Variants in KIAA1328 observed in about 807,000 individuals in gnomAD.
KIAA1328 encodes protein hinderin.
A neutral mutation model predicts 68.1 loss-of-function variants in KIAA1328; 52 were observed. The observed-to-expected ratio is 0.76, with a 90% CI of 0.61 to 0.96. The LOEUF (loss-of-function observed/expected upper bound fraction) is 0.96. KIAA1328 is among the 40% of genes least tolerant of loss of function. The probability of loss-of-function intolerance (pLI) is 0.00; values close to 1 mark genes in which losing one functional copy is unlikely to be tolerated. For missense variants in KIAA1328, 641 were observed against 677.6 expected, an observed-to-expected ratio of 0.95 and a Z score of 0.60; for synonymous variants, 232 against 239.4, an observed-to-expected ratio of 0.97 and a Z score of 0.28.
intron 6 of KIAA1328, among the ~76,000 whole-genome samples, chr18:36,990,047 C>G (rs1192506579): frequency 6.6e-6 from 1 of 152,078 alleles, no homozygotes; most frequent in African/African-American, 2.4e-5. Context: ...CTAAATACAT[C>G]CTGGTCTTCG....
downstream of KIAA1328, among the ~76,000 whole-genome samples, chr18:37,229,163 T>A (rs1378406266): frequency 1.3e-5 from 2 of 152,012 alleles, no homozygotes; most frequent in African/African-American, 4.8e-5. Context: ...CCAGACCGTG[T>A]GGGAGGAGGA....
chr18:37,221,682 A>G (rs2060566158), intron 9 of KIAA1328, among the ~76,000 whole-genome samples: 1 of 152,240 alleles, frequency 6.6e-6, no homozygotes, highest in Non-Finnish European at 1.5e-5. Context: ...TTGTAGTGTT[A>G]GGAACAGTGC....
At chr18:36,894,752 T>C (rs2048815843) in intron 5 of KIAA1328, among the ~76,000 whole-genome samples, 1 of 152,146 alleles carries the variant, frequency 6.6e-6, no homozygotes, top group African/African-American at 2.4e-5. Flanking sequence ...CCCGAACTTC[T>C]GGGCTCAAGC....
At chr18:37,148,748 T>C (rs1281604226) in intron 7 of KIAA1328, among the ~76,000 whole-genome samples, 2 of 152,226 alleles carry the variant, frequency 1.3e-5, no homozygotes, top group Non-Finnish European at 2.9e-5. Flanking sequence ...TCATGTTTGT[T>C]GGCTGCGTGA....
intron 7 of KIAA1328, among the ~76,000 whole-genome samples, chr18:37,071,531 A>T (rs2056534384): frequency 6.6e-6 from 1 of 152,240 alleles, no homozygotes; most frequent in African/African-American, 2.4e-5. Flanking sequence ...GCAAATATTT[A>T]TATAGCATTG....
At chr18:37,076,218 T>G (rs1331703385) in intron 7 of KIAA1328, among the ~76,000 whole-genome samples, 3 of 152,272 alleles carry the variant, frequency 2.0e-5, no homozygotes, top group East Asian at 1.9e-4. Flanking sequence ...CTGAACAACC[T>G]GCTCCTGAAT....
intron 6 of KIAA1328, among the ~76,000 whole-genome samples, chr18:37,056,805 C>T (rs1404929157): frequency 6.6e-6 from 1 of 152,114 alleles, no homozygotes; most frequent in Admixed American, 6.5e-5. Context: ...AGTGCACCAC[C>T]ATGCCTGGCT....
chr18:37,103,894 A>G (rs1303043725), intron 7 of KIAA1328, among the ~76,000 whole-genome samples: 2 of 152,084 alleles, frequency 1.3e-5, no homozygotes, highest in Admixed American at 6.6e-5. Context: ...AGACAAACAG[A>G]TGGCCATCAG....
At chr18:37,030,098 A>G (rs577237836) in intron 6 of KIAA1328, among the ~76,000 whole-genome samples, 1 of 151,816 alleles carries the variant, frequency 6.6e-6, no homozygotes, top group African/African-American at 2.4e-5. Flanking sequence ...TATTTTCTGG[A>G]TCAATTTCAT....
downstream of KIAA1328, among the ~76,000 whole-genome samples, chr18:37,227,391 G>A (rs531961516): frequency 2.6e-5 from 4 of 152,322 alleles, no homozygotes; most frequent in South Asian, 2.1e-4. Context: ...GAGGACTTCC[G>A]TAACTAGAGA....
At chr18:36,901,708 T>C (rs2049045204) in intron 5 of KIAA1328, among the ~76,000 whole-genome samples, 2 of 152,026 alleles carry the variant, frequency 1.3e-5, no homozygotes, top group Admixed American at 6.6e-5. Context: ...GTTGGCAGTC[T>C]AGAAAGATTG....
At chr18:37,194,655 GTTTTGTTTTGT>G (rs886922123) in intron 9 of KIAA1328, among the ~76,000 whole-genome samples, 6 of 151,930 alleles carry the variant, frequency 3.9e-5, no homozygotes, top group African/African-American at 1.2e-4. Context: ...TGGTTGCTTT[GTTTTGTTTTGT>G]TTTTGTTTTG....
At position 37,067,133 on chromosome 18, in the gene KIAA1328, C is replaced by T; in HGVS notation, c.820C>T (p.Pro274Ser). Reference protein sequence around the residue: ...SETTTCNCESPGRKPAVPTEK... With the variant: ...SETTTCNCESSGRKPAVPTEK... ...GACCACAACATGTAATTGTGAATCT[C>T]CAGGGAGAAAACCTGCAGTCCCAAC... The change falls in exon 7 of 10, where the codon CCA (proline) becomes TCA (serine). Residue 274 changes from proline (P) to serine (S), a missense_variant. Pro to Ser is a moderately conservative substitution (Grantham distance 74, BLOSUM62 -1). Transcript: ENST00000280020. 6.2e-7 allele frequency: 1 copy of T among 1,613,986 alleles called. No individual in the cohort carries two copies. The highest frequency in any genetic ancestry group is 8.5e-7 in the Non-Finnish European group (1 of 1,179,886).
At chr18:36,868,200 G>A (rs1253136697) in intron 4 of KIAA1328, among the ~76,000 whole-genome samples, 1 of 152,178 alleles carries the variant, frequency 6.6e-6, no homozygotes, top group Non-Finnish European at 1.5e-5. Context: ...GCTTGTAGAA[G>A]AGAGTGCTAA....
chr18:37,008,393 A>G (rs1235695893), intron 6 of KIAA1328, among the ~76,000 whole-genome samples: 3 of 152,206 alleles, frequency 2.0e-5, no homozygotes, highest in Non-Finnish European at 4.4e-5. Flanking sequence ...AACTTACTTG[A>G]TTTTCTGCTA....
At chr18:37,055,008 TTTAA>T (rs1387603953) in intron 6 of KIAA1328, among the ~76,000 whole-genome samples, 3 of 152,192 alleles carry the variant, frequency 2.0e-5, no homozygotes, top group Non-Finnish European at 2.9e-5. Context: ...AATTATTGAC[TTTAA>T]TGTCTCTCAG....
At chr18:36,940,700 G>A (rs1168348856) in intron 5 of KIAA1328, among the ~76,000 whole-genome samples, 14 of 141,114 alleles carry the variant, frequency 9.9e-5, no homozygotes, top group African/African-American at 2.9e-4. Context: ...TTTTTGAGAC[G>A]GAGTCTCGCT....
chr18:37,186,575 A>C (rs955106411), intron 9 of KIAA1328, among the ~76,000 whole-genome samples: 2 of 151,404 alleles, frequency 1.3e-5, no homozygotes, highest in African/African-American at 4.8e-5. Context: ...AAAAAAAAAA[A>C]AAAAAAAAAA....
chr18:36,980,197 T>G, intron 6 of KIAA1328, among the ~76,000 whole-genome samples: 1 of 152,200 alleles, frequency 6.6e-6, no homozygotes, highest in East Asian at 1.9e-4. Flanking sequence ...TATAAATTAT[T>G]CAGCCTGTGG....
Sources: gnomAD v4.1 joint callset for allele counts (sites outside exome capture counted in the v4.1 genomes callset) on GRCh38, gnomAD v4.1.1 for gene constraint, MANE v1.5 for transcripts, NCBI Gene and HGNC (gene_info 2026-07-23, HGNC 2026-07-21) for gene names.